MECOM: variants seen among roughly 807,000 people sequenced by gnomAD.
MECOM encodes the protein MDS1 and EVI1 complex locus.
A neutral mutation model predicts 116.3 loss-of-function variants in MECOM; 13 were observed. That is an observed-to-expected ratio of 0.11 (90% CI 0.07 to 0.18). MECOM has a LOEUF of 0.18. Among genes scored for constraint, MECOM ranks in the 10% least tolerant of loss-of-function variants. The probability of loss-of-function intolerance (pLI) is 1.00; values close to 1 mark genes in which losing one functional copy is unlikely to be tolerated. For missense variants in MECOM, 1,299 were observed against 1,509.0 expected (o/e 0.86, Z 2.31); for synonymous variants, 528 against 535.2 (o/e 0.99, Z 0.19).
intron 2 of MECOM, among the ~76,000 whole-genome samples, chr3:169,338,419 G>A (rs906184963): frequency 2.6e-4 from 40 of 152,256 alleles, no homozygotes; most frequent in African/African-American, 8.7e-4. Flanking sequence ...CTGGGGCTGT[G>A]TCTTGGTCCC....
intron 1 of MECOM, among the ~76,000 whole-genome samples, chr3:169,519,305 G>T (rs985965077): frequency 2.0e-5 from 3 of 152,202 alleles, no homozygotes; most frequent in Non-Finnish European, 4.4e-5. Flanking sequence ...GACAGAGACT[G>T]ATAATGTGAG....
chr3:169,192,226 T>C (rs889854347), intron 2 of MECOM, among the ~76,000 whole-genome samples: 2 of 152,072 alleles, frequency 1.3e-5, no homozygotes, highest in Non-Finnish European at 2.9e-5. Context: ...GAAGATTTTT[T>C]CTAAAAATAC....
intron 1 of MECOM, among the ~76,000 whole-genome samples, chr3:169,421,597 G>A (rs1476799165): frequency 2.7e-5 from 4 of 150,568 alleles, no homozygotes; most frequent in East Asian, 3.9e-4. Context: ...TCCTTACTTC[G>A]CTGCCCTGTT....
intron 2 of MECOM, among the ~76,000 whole-genome samples, chr3:169,332,005 TAAAA>T (rs10551909): frequency 0.013 from 1,737 of 137,564 alleles, 21 homozygotes; most frequent in African/African-American, 0.034. Context: ...CTTTTTTATT[TAAAA>T]AAAAAAAAAA....
At chr3:169,269,203 A>C (rs1323451150) in intron 2 of MECOM, 1 of 152,192 alleles carries the variant, frequency 6.6e-6, no homozygotes, top group Non-Finnish European at 1.5e-5. Context: ...TTTCTAGATT[A>C]ATACACTGAG....
intron 2 of MECOM, among the ~76,000 whole-genome samples, chr3:169,252,358 G>A (rs1327178307): frequency 6.6e-6 from 1 of 151,800 alleles, no homozygotes; most frequent in Admixed American, 6.6e-5. Flanking sequence ...AAAATCCTCA[G>A]CATCCAAAAA....
chr3:169,557,872 A>G (rs1311521153), intron 1 of MECOM, among the ~76,000 whole-genome samples: 2 of 152,224 alleles, frequency 1.3e-5, no homozygotes, highest in Non-Finnish European at 2.9e-5. Context: ...ACTATTTCTT[A>G]CATAAAAATA....
At chr3:169,122,295 C>G (rs1731293985) in intron 6 of MECOM, among the ~76,000 whole-genome samples, 1 of 152,196 alleles carries the variant, frequency 6.6e-6, no homozygotes, top group South Asian at 2.1e-4. Context: ...CAACTCCACA[C>G]TGGCAAATCA....
chr3:169,614,194 G>A (rs994910708), intron 1 of MECOM, among the ~76,000 whole-genome samples: 2 of 146,260 alleles, frequency 1.4e-5, no homozygotes, highest in African/African-American at 2.5e-5. Context: ...AATTTCTGAT[G>A]AGCATAAGAC....
intron 7 of MECOM, among the ~76,000 whole-genome samples, chr3:169,120,614 A>T (rs1730708631): frequency 6.6e-6 from 1 of 152,222 alleles, no homozygotes; most frequent in South Asian, 2.1e-4. Context: ...ACATGCACAC[A>T]GAGCCGTAAG....
intron 2 of MECOM, among the ~76,000 whole-genome samples, chr3:169,194,455 A>G (rs1748143337): frequency 1.3e-5 from 2 of 152,114 alleles, no homozygotes; most frequent in South Asian, 4.1e-4. Flanking sequence ...CCTAAAACCT[A>G]AAGTATAATA....
At chr3:169,151,422 C>T (rs1741152913) in intron 2 of MECOM, among the ~76,000 whole-genome samples, 1 of 152,170 alleles carries the variant, frequency 6.6e-6, no homozygotes. Flanking sequence ...GTCTAAATTC[C>T]CTTAATTCTG....
chr3:169,458,840 T>G (rs2108724078), intron 1 of MECOM, among the ~76,000 whole-genome samples: 1 of 152,290 alleles, frequency 6.6e-6, no homozygotes, highest in African/African-American at 2.4e-5. Context: ...TAGGAAGTAA[T>G]GTAGAGCAGA....
At chr3:169,559,782 A>G (rs1430976857) in intron 1 of MECOM, among the ~76,000 whole-genome samples, 2 of 152,206 alleles carry the variant, frequency 1.3e-5, no homozygotes, top group African/African-American at 2.4e-5. Flanking sequence ...CAGATATACG[A>G]CAGATTAAAT....
chr3:169,256,784 C>A (rs947093910), intron 2 of MECOM, among the ~76,000 whole-genome samples: 11 of 152,172 alleles, frequency 7.2e-5, no homozygotes, highest in Non-Finnish European at 1.2e-4. Flanking sequence ...ACATCTAGCT[C>A]CCTGCTCCTA....
intron 2 of MECOM, among the ~76,000 whole-genome samples, chr3:169,196,300 T>C (rs1196429938): frequency 6.6e-6 from 1 of 152,022 alleles, no homozygotes; most frequent in Non-Finnish European, 1.5e-5. Context: ...GAGATAATCA[T>C]TTTCTAAGAG....
At chr3:169,282,350 T>C (rs1157886847) in intron 2 of MECOM, among the ~76,000 whole-genome samples, 1 of 152,122 alleles carries the variant, frequency 6.6e-6, no homozygotes, top group Non-Finnish European at 1.5e-5. Flanking sequence ...TTGAGGGATA[T>C]CGAGTTGCTA....
intron 2 of MECOM, among the ~76,000 whole-genome samples, chr3:169,154,672 A>AT (rs1312848083): frequency 5.9e-5 from 9 of 151,862 alleles, no homozygotes; most frequent in East Asian, 1.9e-4. Context: ...AATTCATTCC[A>AT]TTTTTTTTGA....
At chr3:169,149,840 G>A in intron 2 of MECOM, 1 of 322,540 alleles carries the variant, frequency 3.1e-6, no homozygotes, top group Non-Finnish European at 6.3e-6. Flanking sequence ...GTTCTCCACT[G>A]AATAAATTGT....
Sources: allele counts gnomAD v4.1 joint callset (sites outside exome capture counted in the v4.1 genomes callset), GRCh38; gene constraint gnomAD v4.1.1; transcripts MANE v1.5; gene names NCBI Gene and HGNC (gene_info 2026-07-23, HGNC 2026-07-21).